The following HCRTR2 variants were observed in gnomAD, a reference collection of about 807,000 sequenced individuals.
The protein encoded by HCRTR2 is hypocretin receptor 2.
A neutral mutation model predicts 49.0 loss-of-function variants in HCRTR2; 22 were observed. That is an observed-to-expected ratio of 0.45 (90% confidence interval 0.32 to 0.64). The LOEUF (loss-of-function observed/expected upper bound fraction) is 0.64, where lower values mean the gene tolerates loss of function less well. Ranked by LOEUF, HCRTR2 falls within the 30% of genes least tolerant of loss-of-function variation. HCRTR2 has a pLI of 0.04. For missense variants in HCRTR2, 491 were observed against 559.4 expected, an observed-to-expected ratio of 0.88 and a Z score of 1.23; for synonymous variants, 236 against 205.3, an observed-to-expected ratio of 1.15 and a Z score of -1.28.
intron 1 of HCRTR2, among the ~76,000 whole-genome samples, chr6:55,112,820 C>T (rs934571637): frequency 1.3e-5 from 2 of 151,276 alleles, no homozygotes; most frequent in African/African-American, 4.8e-5. Flanking sequence ...TGAAAGAGCC[C>T]ACATAGCCAA....
At chr6:55,124,616 GTCTATTAA>G (rs1764248146) in intron 1 of HCRTR2, among the ~76,000 whole-genome samples, 1 of 152,152 alleles carries the variant, frequency 6.6e-6, no homozygotes, top group Non-Finnish European at 1.5e-5. Flanking sequence ...TTCTGTAGAT[GTCTATTAA>G]TCTGCTTGGT....
intron 1 of HCRTR2, among the ~76,000 whole-genome samples, chr6:55,243,549 C>T (rs1766374149): frequency 6.6e-6 from 1 of 152,156 alleles, no homozygotes; most frequent in Admixed American, 6.6e-5. Context: ...TCTGTTTAGA[C>T]TTTGTGCCTT....
chr6:55,164,635 G>C (rs1038088520), intron 1 of HCRTR2, among the ~76,000 whole-genome samples: 1 of 152,260 alleles, frequency 6.6e-6, no homozygotes, highest in South Asian at 2.1e-4. Flanking sequence ...GCAGTGGGGG[G>C]CTAGGGGAGG....
chr6:55,166,383 TG>T (rs1764877557), intron 1 of HCRTR2, among the ~76,000 whole-genome samples: 1 of 126,334 alleles, frequency 7.9e-6, no homozygotes, highest in Non-Finnish European at 1.6e-5. Context: ...TTTAGTGTTT[TG>T]GAATAGTTTG....
chr6:55,251,550 A>T (rs1766550580), intron 2 of HCRTR2, among the ~76,000 whole-genome samples: 1 of 152,004 alleles, frequency 6.6e-6, no homozygotes, highest in African/African-American at 2.4e-5. Flanking sequence ...CGCCCTACAC[A>T]GAAAATGCCA....
chr6:55,279,452 TTTATACCAGAAATGGTATAAGGTACACC>T (rs1213267325), intron 5 of HCRTR2, among the ~76,000 whole-genome samples: 11 of 151,670 alleles, frequency 7.3e-5, no homozygotes, highest in Admixed American at 4.6e-4. Context: ...TCTAGTACTC[TTTATACCAGAAATGGTATAAGGTACACC>T]TTATACCAGA....
At chr6:55,136,363 A>G (rs192689627) in intron 1 of HCRTR2, among the ~76,000 whole-genome samples, 6 of 152,202 alleles carry the variant, frequency 3.9e-5, no homozygotes, top group African/African-American at 1.4e-4. Context: ...AACTAATGAA[A>G]AATGGCATCC....
intron 1 of HCRTR2, among the ~76,000 whole-genome samples, chr6:55,214,731 T>C (rs1581834289): frequency 6.6e-6 from 1 of 152,110 alleles, no homozygotes; most frequent in Non-Finnish European, 1.5e-5. Flanking sequence ...GGACAAAATG[T>C]AACTATAAGT....
chr6:55,140,079 C>T (rs1764486702), intron 1 of HCRTR2, among the ~76,000 whole-genome samples: 1 of 152,068 alleles, frequency 6.6e-6, no homozygotes, highest in Admixed American at 6.5e-5. Context: ...GATATTATTC[C>T]TGGGCACCCT....
At chr6:55,162,610 T>G (rs537650944) in intron 1 of HCRTR2, among the ~76,000 whole-genome samples, 1 of 152,284 alleles carries the variant, frequency 6.6e-6, no homozygotes, top group East Asian at 1.9e-4. Flanking sequence ...GCCCAAAATC[T>G]CCTTAAGCTG....
At chr6:55,137,510 T>C (rs906433386) in intron 1 of HCRTR2, among the ~76,000 whole-genome samples, 1 of 152,214 alleles carries the variant, frequency 6.6e-6, no homozygotes, top group African/African-American at 2.4e-5. Flanking sequence ...CAAGATCTAC[T>C]GTGAAGTATT....
At chr6:55,249,727 T>C (rs1766512394) in intron 2 of HCRTR2, among the ~76,000 whole-genome samples, 1 of 152,096 alleles carries the variant, frequency 6.6e-6, no homozygotes, top group African/African-American at 2.4e-5. Context: ...GTTCTGATTG[T>C]TATTATAGCT....
At chr6:55,142,766 C>T (rs1454456429) in intron 1 of HCRTR2, among the ~76,000 whole-genome samples, 2 of 151,258 alleles carry the variant, frequency 1.3e-5, no homozygotes, top group Non-Finnish European at 2.9e-5. Flanking sequence ...ATTCTTTCCC[C>T]ACTGTGTATG....
chr6:55,217,601 AG>A (rs1282050473), intron 1 of HCRTR2, among the ~76,000 whole-genome samples: 1 of 152,170 alleles, frequency 6.6e-6, no homozygotes, highest in Non-Finnish European at 1.5e-5. Context: ...CCTTTATTCC[AG>A]GTTCTGATAC....
At chr6:55,110,038 C>A (rs968128703) in intron 1 of HCRTR2, among the ~76,000 whole-genome samples, 3 of 152,066 alleles carry the variant, frequency 2.0e-5, no homozygotes, top group African/African-American at 7.2e-5. Flanking sequence ...AGAGACCCTA[C>A]AAGATAGAAG....
intron 6 of HCRTR2, 105 bp downstream of exon 6, chr6:55,280,549 A>AT (rs1581876342): frequency 6.8e-7 from 1 of 1,481,446 alleles, no homozygotes; most frequent in East Asian, 2.3e-5. Context: ...TGTGAGTTGT[A>AT]TTTTTTCCCT....
chr6:55,160,571 G>C (rs573729344), intron 1 of HCRTR2, among the ~76,000 whole-genome samples: 1 of 152,172 alleles, frequency 6.6e-6, no homozygotes, highest in Non-Finnish European at 1.5e-5. Context: ...ACCCAACAGT[G>C]TGCTGTATTC....
intron 1 of HCRTR2, among the ~76,000 whole-genome samples, chr6:55,120,640 C>T (rs1057231328): frequency 3.4e-5 from 5 of 145,866 alleles, no homozygotes; most frequent in Non-Finnish European, 5.9e-5. Context: ...TATCAGCTTA[C>T]GGAGATTTGG....
At chr6:55,231,299 GT>G (rs1260305210) in intron 1 of HCRTR2, among the ~76,000 whole-genome samples, 3 of 151,982 alleles carry the variant, frequency 2.0e-5, no homozygotes, top group Non-Finnish European at 4.4e-5. Context: ...TTTTTATTAA[GT>G]TTAAGTTACT....
Sources: allele counts gnomAD v4.1 joint callset (sites outside exome capture counted in the v4.1 genomes callset), GRCh38; gene constraint gnomAD v4.1.1; transcripts MANE v1.5; gene names NCBI Gene and HGNC (gene_info 2026-07-23, HGNC 2026-07-21).